The following CLASP1 variants were observed in gnomAD, a reference collection of about 807,000 sequenced individuals.
The protein encoded by CLASP1 is CLIP-associating protein 1.
A neutral mutation model predicts 192.3 loss-of-function variants in CLASP1; 38 were observed. The observed-to-expected ratio is 0.20, with a 90% CI of 0.15 to 0.26. The LOEUF is 0.26. Ranked by LOEUF, CLASP1 falls within the 10% of genes least tolerant of loss-of-function variation. The pLI is 1.00. For missense variants in CLASP1, 1,433 were observed against 1,932.5 expected, an observed-to-expected ratio of 0.74 and a Z score of 4.85; for synonymous variants, 691 against 712.8, an observed-to-expected ratio of 0.97 and a Z score of 0.49.
intron 1 of CLASP1, among the ~76,000 whole-genome samples, chr2:121,629,708 T>G (rs1027725607): frequency 7.3e-5 from 11 of 151,134 alleles, no homozygotes; most frequent in African/African-American, 2.4e-4. Flanking sequence ...GGAGAATCAC[T>G]TGAACCTGGG....
rs371184633 is a variant in CLASP1, at chr2:121,382,300, G to A, written c.3399C>T (p.Asp1133=). The A allele has an allele frequency of 5.3e-5, 84 of 1,586,078 alleles. No individual in the cohort carries two copies. The highest frequency in any genetic ancestry group is 1.8e-4 in the Admixed American group (10 of 55,644). Residue 1133 remains aspartate, a synonymous_variant, in exon 33 of 40, where the codon GAC becomes GAT. Coordinates refer to ENST00000263710, the Ensembl canonical transcript of CLASP1. Reference sequence around the variant, plus strand: ...AGGGAGGTGGGTGCTTCGCTAACCCGTCGGCACTCCAACCCCATAACCGAC... The same window carrying A: ...AGGGAGGTGGGTGCTTCGCTAACCCATCGGCACTCCAACCCCATAACCGAC...
At chr2:121,534,798 A>G (rs894817962) in intron 2 of CLASP1, among the ~76,000 whole-genome samples, 4 of 152,116 alleles carry the variant, frequency 2.6e-5, no homozygotes, top group African/African-American at 9.7e-5. Context: ...AAGTGCTGGG[A>G]TTACTGACGT....
At chr2:121,600,938 G>A (rs1028231845) in intron 2 of CLASP1, among the ~76,000 whole-genome samples, 1 of 152,198 alleles carries the variant, frequency 6.6e-6, no homozygotes, top group East Asian at 1.9e-4. Context: ...GGATGGGCAC[G>A]CAAAGTCACT....
At chr2:121,611,290 T>G (rs1419921930) in intron 1 of CLASP1, among the ~76,000 whole-genome samples, 232 of 41,638 alleles carry the variant, frequency 5.6e-3, no homozygotes, top group Admixed American at 7.0e-3. Context: ...GGAGGAGGAG[T>G]TGGAGGAGTT....
At chr2:121,624,446 G>T (rs2067941642) in intron 1 of CLASP1, among the ~76,000 whole-genome samples, 1 of 151,938 alleles carries the variant, frequency 6.6e-6, no homozygotes, top group Non-Finnish European at 1.5e-5. Flanking sequence ...TTCTCACTCT[G>T]CCACCCAGGC....
At position 121,612,953 on chromosome 2, in the gene CLASP1, T is replaced by G. The variant is rs558874631; in HGVS notation, c.-285-6773A>C. On this transcript the variant is annotated intron_variant, in intron 1 of 39. Transcript: ENST00000263710. ...ATTATTCAGAATGTAACACTATTTC[T>G]GAGTTTAAAAAAAAGTTCAATTTTC... is the stretch of plus-strand genomic sequence containing the variant. Among the ~76,000 whole-genome samples, 1,314 of 152,322 alleles carry G rather than the reference T, an allele frequency of 8.6e-3. 8 individuals are homozygous for G. Among genetic ancestry groups the G allele is most frequent in the Non-Finnish European group, 0.013 (909 of 68,026 alleles).
At chr2:121,340,368 CAACTT>C (rs1048622604) in exon 40 of CLASP1, 1 of 153,516 alleles carries the variant, frequency 6.5e-6, no homozygotes, top group African/African-American at 2.4e-5. Context: ...TCTCAGAACA[CAACTT>C]AAAGATATAT....
chr2:121,345,067 G>A (rs958909376), intron 39 of CLASP1, among the ~76,000 whole-genome samples: 1 of 152,202 alleles, frequency 6.6e-6, no homozygotes, highest in Non-Finnish European at 1.5e-5. Context: ...GCTGAGGCAG[G>A]AGAATAGCTT....
In CLASP1 at chr2:121,581,435, C is replaced by G. The variant is rs544603382; in HGVS notation, c.195+24266G>C. Among the ~76,000 whole-genome samples, 47 of 151,338 alleles carry G rather than the reference C, an allele frequency of 3.1e-4. No individual in the cohort carries two copies. The East Asian group carries it at 8.2e-3, about 26-fold the overall frequency. ...GACTACAGGCGCCCGCCACCACGCC[C>G]GGCTAATTTTTTGTATTTTTAGTAG... is the stretch of plus-strand genomic sequence containing the variant. On this transcript the variant is annotated intron_variant, in intron 2 of 39. Transcript: ENST00000263710.
intron 25 of CLASP1, among the ~76,000 whole-genome samples, chr2:121,407,042 CCT>C (rs1333868058): frequency 6.6e-6 from 1 of 152,036 alleles, no homozygotes; most frequent in Non-Finnish European, 1.5e-5. Flanking sequence ...ATGGTGAAAC[CCT>C]GTCTCTACTA....
intron 6 of CLASP1, among the ~76,000 whole-genome samples, chr2:121,524,078 G>A (rs1366074073): frequency 6.6e-6 from 1 of 152,148 alleles, no homozygotes; most frequent in Admixed American, 6.5e-5. Flanking sequence ...AGTGCATTTA[G>A]AGGTGACAGC....
rs187152446 is a variant in CLASP1, at chr2:121,383,871, G to A, written c.3375-1547C>T. Among the ~76,000 whole-genome samples, 316 of 151,416 alleles carry A rather than the reference G, an allele frequency of 2.1e-3. 1 individual carries two copies. The highest frequency in any genetic ancestry group is 7.4e-3 in the African/African-American group (303 of 41,224). On this transcript the variant is annotated intron_variant, in intron 32 of 39. Transcript: ENST00000263710. The stretch of plus-strand genomic sequence containing the variant: ...TTTGTGTATTAGCTGGTAATAGGAA[G>A]TTTATTCTTTCACACAGAAATGATG...
At chr2:121,475,665 CA>C (rs1363207608) in intron 8 of CLASP1, among the ~76,000 whole-genome samples, 1 of 152,200 alleles carries the variant, frequency 6.6e-6, no homozygotes, top group Non-Finnish European at 1.5e-5. Context: ...TTAACTAAGG[CA>C]GAAATGGGTA....
chr2:121,414,441 G>A (rs753938480), intron 23 of CLASP1, among the ~76,000 whole-genome samples: 1 of 152,122 alleles, frequency 6.6e-6, no homozygotes, highest in Non-Finnish European at 1.5e-5. Flanking sequence ...TCTTAAAGGT[G>A]CTCCAAACTA....
At chr2:121,493,920 TG>T in intron 8 of CLASP1, among the ~76,000 whole-genome samples, 1 of 152,244 alleles carries the variant, frequency 6.6e-6, no homozygotes, top group East Asian at 1.9e-4. Flanking sequence ...CCAGTTGAAA[TG>T]GCTTTAATCC....
At chr2:121,555,923 C>T (rs1352928031) in intron 2 of CLASP1, among the ~76,000 whole-genome samples, 1 of 151,012 alleles carries the variant, frequency 6.6e-6, no homozygotes, top group African/African-American at 2.4e-5. Context: ...GTGATCCACC[C>T]ACCTTGGTCT....
chr2:121,576,251 T>G (rs1196703818), intron 2 of CLASP1, among the ~76,000 whole-genome samples: 1 of 152,112 alleles, frequency 6.6e-6, no homozygotes, highest in African/African-American at 2.4e-5. Flanking sequence ...AATCAAATTA[T>G]CACAACATAA....
chr2:121,391,950 G>A (rs993578191), intron 30 of CLASP1, among the ~76,000 whole-genome samples: 10 of 152,192 alleles, frequency 6.6e-5, no homozygotes, highest in African/African-American at 2.4e-4. Flanking sequence ...CAGTTAAGCT[G>A]AGATCCAGCT....
intron 34 of CLASP1, among the ~76,000 whole-genome samples, chr2:121,374,164 A>G (rs2069417309): frequency 1.3e-5 from 2 of 152,350 alleles, no homozygotes; most frequent in South Asian, 4.1e-4. Context: ...GGTGCCCTGC[A>G]TCCTAGCTGC....
Sources: allele counts gnomAD v4.1 joint callset (sites outside exome capture counted in the v4.1 genomes callset), GRCh38; gene constraint gnomAD v4.1.1; transcripts MANE v1.5; gene names NCBI Gene and HGNC (gene_info 2026-07-23, HGNC 2026-07-21).